PARVB: variants seen among roughly 807,000 people sequenced by gnomAD.
PARVB encodes the protein beta-parvin.
PARVB carries 46 observed loss-of-function variants against 47.0 expected under a neutral mutation model. That is an observed-to-expected ratio of 0.98 (90% CI 0.77 to 1.25). The LOEUF (loss-of-function observed/expected upper bound fraction) is 1.25. PARVB is among the 50% of genes most tolerant of loss of function. The probability of loss-of-function intolerance (pLI) is 0.00; values close to 1 mark genes in which losing one functional copy is unlikely to be tolerated. For missense variants in PARVB, 473 were observed against 471.6 expected (o/e 1.00, Z -0.03); for synonymous variants, 196 against 196.3 (o/e 1.00, Z 0.01).
At chr22:44,056,547 C>T (rs774071704) in intron 1 of PARVB, among the ~76,000 whole-genome samples, 11 of 152,024 alleles carry the variant, frequency 7.2e-5, no homozygotes, top group Admixed American at 1.3e-4. Flanking sequence ...CCTCTGTCAC[C>T]CAGGCTGGTG....
chr22:44,168,401 G>A (rs541980315), intron 12 of PARVB: 14 of 551,002 alleles, frequency 2.5e-5, no homozygotes, highest in Admixed American at 6.1e-5. Flanking sequence ...GTCAGCCCGC[G>A]CCAGGAGCTC....
At chr22:44,056,173 G>A (rs1305263520) in intron 1 of PARVB, among the ~76,000 whole-genome samples, 5 of 152,216 alleles carry the variant, frequency 3.3e-5, no homozygotes, top group African/African-American at 4.8e-5. Context: ...TCGAGTTTAC[G>A]CAGTAGCCTA....
At chr22:44,122,498 GAGAGAGAGAGAGAGAGAGAGAC>G in intron 4 of PARVB, among the ~76,000 whole-genome samples, 1 of 87,230 alleles carries the variant, frequency 1.1e-5, no homozygotes, top group East Asian at 2.9e-4. Flanking sequence ...AAGAGAGAGA[GAGAGAGAGAGAGAGAGAGAGAC>G]AGAGAGACAG....
At chr22:44,100,176 T>C in intron 3 of PARVB, 53 bp downstream of exon 3, 1 of 1,454,138 alleles carries the variant, frequency 6.9e-7, no homozygotes, top group Middle Eastern at 1.7e-4. Flanking sequence ...GGACTTGGCT[T>C]TGGGGTTCAG....
At chr22:44,090,231 AT>A (rs1202324396) in intron 1 of PARVB, among the ~76,000 whole-genome samples, 4 of 152,162 alleles carry the variant, frequency 2.6e-5, no homozygotes, top group Non-Finnish European at 4.4e-5. Context: ...GCAATGCGAG[AT>A]TTGGACTGGG....
At chr22:44,140,357 TAGG>T (rs2053527373) in intron 8 of PARVB, 6 of 708,838 alleles carry the variant, frequency 8.5e-6, no homozygotes, top group South Asian at 1.5e-5. Context: ...TGGGTTGTGC[TAGG>T]AGGAGTGGGG....
At chr22:44,039,699 A>G (rs191658998) in intron 1 of PARVB, 23 of 372,568 alleles carry the variant, frequency 6.2e-5, no homozygotes, top group Admixed American at 3.0e-4. Flanking sequence ...GGACGGAATG[A>G]TCCTGGGCAG....
rs543972943 is a variant in PARVB, at chr22:44,079,572, G to A, written c.113-14356G>A. Among the ~76,000 whole-genome samples, 14 of 152,310 alleles carry A rather than the reference G, an allele frequency of 9.2e-5. No homozygotes were observed. The South Asian group carries it at 2.9e-3, about 32-fold the overall frequency. On this transcript the variant is annotated intron_variant, in intron 1 of 12. Transcript: ENST00000338758. ...CCCCTTACTCAGCCCTTTAGCCAGC[G>A]GCTGCTGTGCTAAGCCATTCTGAGA...
intron 2 of PARVB, among the ~76,000 whole-genome samples, chr22:44,001,836 C>T (rs369720252): frequency 6.6e-5 from 10 of 152,304 alleles, no homozygotes; most frequent in South Asian, 2.1e-4. Context: ...ATGAACACAG[C>T]GGCAATTCAG....
chr22:44,007,260 C>T (rs939808071), intron 2 of PARVB, among the ~76,000 whole-genome samples: 2 of 151,108 alleles, frequency 1.3e-5, no homozygotes, highest in African/African-American at 2.4e-5. Context: ...TGCCCAGCTC[C>T]GCCTATGGGA....
At chr22:44,112,769 G>C (rs1365927535) in intron 3 of PARVB, 1 of 40,012 alleles carries the variant, frequency 2.5e-5, no homozygotes, top group Non-Finnish European at 4.4e-5. Flanking sequence ...CAGATACATT[G>C]TTACTAAGTA....
intron 12 of PARVB, among the ~76,000 whole-genome samples, chr22:44,164,270 A>T (rs931345566): frequency 6.6e-6 from 1 of 152,228 alleles, no homozygotes; most frequent in Non-Finnish European, 1.5e-5. Flanking sequence ...GGCTTACTCA[A>T]CTGTAATGAC....
intron 10 of PARVB, among the ~76,000 whole-genome samples, chr22:44,154,820 CTGTG>C (rs1333106375): frequency 5.8e-5 from 7 of 121,520 alleles, no homozygotes; most frequent in Admixed American, 2.8e-4. Flanking sequence ...TTTTTGTAGT[CTGTG>C]TGGTGTGTGT....
intron 2 of PARVB, among the ~76,000 whole-genome samples, chr22:44,011,955 A>G (rs9614195): frequency 0.084 from 12,869 of 152,328 alleles, 751 homozygotes; most frequent in Non-Finnish European, 0.13. Context: ...ATGGCAAATG[A>G]ATGGCAAAAG....
At chr22:44,148,115 T>C in intron 9 of PARVB, 193 bp downstream of exon 9, 1 of 607,180 alleles carries the variant, frequency 1.6e-6, no homozygotes, top group Non-Finnish European at 3.0e-6. Flanking sequence ...TCAACCTCGC[T>C]GCTCCCTGGG....
In PARVB at chr22:44,095,951, C is replaced by G. The variant is rs571468726; in HGVS notation, c.202+1934C>G. ...TAGAAGAGAGTGGCCCCACCAGGCT[C>G]GGTGGCTCAGGCCTGTAATCTCGGC... On this transcript the variant is annotated intron_variant, in intron 2 of 12. Coordinates refer to ENST00000338758, the MANE Select transcript of PARVB (RefSeq NM_013327.5). Among the ~76,000 whole-genome samples the G allele has an allele frequency of 3.3e-5, 5 of 152,292 alleles. No homozygotes were observed. In the South Asian group the frequency reaches 1.0e-3, roughly 32 times the overall value.
rs143762625 is a variant in PARVB, at chr22:44,125,569, G to A, written c.377-5918G>A. Among the ~76,000 whole-genome samples, 150 of 152,308 alleles carry A rather than the reference G, an allele frequency of 9.8e-4. No individual in the cohort carries two copies. Among genetic ancestry groups the A allele is most frequent in the Non-Finnish European group, 1.6e-3 (111 of 68,030 alleles). On this transcript the variant is annotated intron_variant, in intron 4 of 12. Transcript: ENST00000338758. This position sits in a 1 kb window ranked among gnomAD's most constrained non-coding sequence, Gnocchi z 4.1. ...GAGCTTGGGAAGGGCGTTCTGGGCT[G>A]AGGCTCTAAAGCGAGAAAGAGCCTG...
intron 2 of PARVB, among the ~76,000 whole-genome samples, chr22:44,015,750 C>T (rs575530278): frequency 4.7e-4 from 72 of 152,186 alleles, no homozygotes; most frequent in Non-Finnish European, 7.9e-4. Flanking sequence ...ACCCAGGAGA[C>T]GGAGGTTTCA....
In PARVB at chr22:44,041,468, G is replaced by A. The variant is rs150327725; in HGVS notation, c.112+17017G>A. Among the ~76,000 whole-genome samples the A allele has an allele frequency of 1.3e-4, 20 of 152,220 alleles. No homozygotes were observed. In the East Asian group the frequency reaches 2.9e-3, roughly 22 times the overall value. On this transcript the variant is annotated intron_variant, in intron 1 of 12. Coordinates refer to ENST00000338758, the MANE Select transcript of PARVB (RefSeq NM_013327.5). ...AATTGTGCCACTGCACTCCGGCCAG[G>A]GTGACAGAGCAAGACTCCCTCTCAA...
Sources: gnomAD v4.1 joint callset for allele counts (sites outside exome capture counted in the v4.1 genomes callset) on GRCh38, gnomAD v4.1.1 for gene constraint, Gnocchi (gnomAD v3.1) non-coding constraint, MANE v1.5 for transcripts, NCBI Gene and HGNC (gene_info 2026-07-23, HGNC 2026-07-21) for gene names.